The following PSTPIP2 variants were observed in gnomAD, a reference collection of about 807,000 sequenced individuals.
PSTPIP2 encodes proline-serine-threonine phosphatase-interacting protein 2.
Under a neutral mutation model 63.3 loss-of-function variants are expected in PSTPIP2, and 33 were observed. The observed-to-expected ratio is 0.52, with a 90% CI of 0.40 to 0.70. The LOEUF is 0.70. PSTPIP2 is among the 30% of genes least tolerant of loss of function. PSTPIP2 has a pLI of 0.00. For missense variants in PSTPIP2, 312 were observed against 400.7 expected (o/e 0.78, Z 1.89); for synonymous variants, 125 against 132.7 (o/e 0.94, Z 0.40).
At chr18:46,044,598 G>A (rs1183556635) in intron 1 of PSTPIP2, among the ~76,000 whole-genome samples, 1 of 152,128 alleles carries the variant, frequency 6.6e-6, no homozygotes, top group Non-Finnish European at 1.5e-5. Context: ...ATAGGCATGG[G>A]CAAGGACTTC....
chr18:46,072,010 C>T lies in PSTPIP2; in HGVS notation c.33+146G>A, dbSNP rs1909411810. On this transcript the variant is annotated intron_variant, in intron 1 of 14. Transcript: ENST00000409746. ...CGAGCAGTGGGGCTGGGGCCCCGAT[C>T]CCTTCACGCGCGAGCTCCGCCAAGC... 4.7e-6 allele frequency: 5 copies of T among 1,065,668 alleles called. No individual in the cohort carries two copies. In the South Asian group the frequency reaches 1.1e-4, roughly 22 times the overall value. 66.0% of individuals were successfully genotyped at this position (1,065,668 alleles called of 1,614,324 possible).
intron 1 of PSTPIP2, among the ~76,000 whole-genome samples, chr18:46,049,007 CATGT>C (rs1258199769): frequency 1.5e-4 from 14 of 93,408 alleles, no homozygotes; most frequent in East Asian, 3.9e-4. Context: ...AGAAAAAAAG[CATGT>C]GTGTGTGTGT....
intron 2 of PSTPIP2, chr18:46,029,368 C>G: frequency 3.2e-6 from 5 of 1,558,958 alleles, no homozygotes; most frequent in Admixed American, 3.3e-5. Context: ...GTTGCAGCAT[C>G]CACGTTCTCT....
Position 46,024,600 on chromosome 18 carries a change from GATAC to G in PSTPIP2, c.212+5_212+8del. 3.1e-6 allele frequency: 5 copies of G among 1,611,520 alleles called. No homozygotes were observed. The highest frequency in any genetic ancestry group is 4.2e-6 in the Non-Finnish European group (5 of 1,177,726). On this transcript the variant is annotated splice_donor_5th_base_variant and intron_variant, in intron 3 of 14. Coordinates refer to ENST00000409746, the MANE Select transcript of PSTPIP2 (RefSeq NM_024430.4). ...CAACCTGGAAACCAGAAAAAAACTT[GATAC>G]ATACTTGATTTCAGACTGTCCACAC...
intron 4 of PSTPIP2, among the ~76,000 whole-genome samples, chr18:46,011,931 T>G (rs926877963): frequency 7.2e-5 from 11 of 152,162 alleles, no homozygotes; most frequent in Admixed American, 7.2e-4. Context: ...AGAAAAAAAT[T>G]TAAACTTGTG....
chr18:45,992,390 A>G (rs1445389270), intron 10 of PSTPIP2, among the ~76,000 whole-genome samples, 188 bp from the exon 11 acceptor site: 3 of 151,752 alleles, frequency 2.0e-5, no homozygotes, highest in African/African-American at 7.3e-5. Context: ...GTGAAACCCC[A>G]TCTCTGTTTA....
In PSTPIP2 at chr18:46,049,613, G is replaced by A. The variant is rs1908513803; in HGVS notation, c.34-9566C>T. On this transcript the variant is annotated intron_variant, in intron 1 of 14. Coordinates refer to ENST00000409746, the MANE Select transcript of PSTPIP2 (RefSeq NM_024430.4). ...AAATGAACAACCGGCCGGGTGAGGTGACTCACGCCTGTAATCCTAGCACTT... is the reference window on the plus strand; with the variant it reads ...AAATGAACAACCGGCCGGGTGAGGTAACTCACGCCTGTAATCCTAGCACTT... Among the ~76,000 whole-genome samples, 5 of 152,330 alleles carry A rather than the reference G, an allele frequency of 3.3e-5. No individual in the cohort carries two copies. In the Middle Eastern group the frequency reaches 0.01, roughly 311 times the overall value.
chr18:46,043,381 C>T (rs1181709450), intron 1 of PSTPIP2, among the ~76,000 whole-genome samples: 1 of 150,696 alleles, frequency 6.6e-6, no homozygotes, highest in East Asian at 1.9e-4. Flanking sequence ...ACAGAGTGAG[C>T]CCCTGTCTCA....
At chr18:46,049,044 GT>G (rs1908486887) in intron 1 of PSTPIP2, among the ~76,000 whole-genome samples, 1 of 148,828 alleles carries the variant, frequency 6.7e-6, no homozygotes, top group Non-Finnish European at 1.5e-5. Flanking sequence ...GTGTGTGTGT[GT>G]GTGTGTGTGT....
intron 2 of PSTPIP2, chr18:46,029,785 T>C (rs1201766694): frequency 1.9e-6 from 1 of 520,024 alleles, no homozygotes; most frequent in Non-Finnish European, 3.6e-6. Flanking sequence ...CATGGAATTT[T>C]CTCTCAGAGG....
Position 46,011,164 on chromosome 18 carries a change from A to G in PSTPIP2, c.354+17T>C. On this transcript the variant is annotated intron_variant, in intron 5 of 14. Transcript: ENST00000409746. ...ATAGGAGGAAAGGAAACACCTTAAC[A>G]CGTATGCAAATCCAACCTTTTTTCG... The G allele has an allele frequency of 1.3e-6, 2 of 1,589,918 alleles. No individual in the cohort carries two copies. The highest frequency in any genetic ancestry group is 1.7e-6 in the Non-Finnish European group (2 of 1,158,014).
intron 1 of PSTPIP2, among the ~76,000 whole-genome samples, chr18:46,043,207 G>A (rs540901790): frequency 4.6e-5 from 6 of 129,540 alleles, no homozygotes; most frequent in East Asian, 4.4e-4. Context: ...GCAACATAGC[G>A]AAACCTCACC....
intron 7 of PSTPIP2, 31 bp downstream of exon 7, chr18:45,999,405 G>T: frequency 1.2e-6 from 2 of 1,607,358 alleles, no homozygotes; most frequent in Non-Finnish European, 1.7e-6. Flanking sequence ...GTCAGTCTCA[G>T]ATTTTTCGGG....
chr18:46,026,548 A>G (rs1208732794), intron 2 of PSTPIP2, among the ~76,000 whole-genome samples: 2 of 152,196 alleles, frequency 1.3e-5, no homozygotes, highest in Non-Finnish European at 2.9e-5. Flanking sequence ...TTAAAATGAT[A>G]CATGCTCATT....
chr18:45,985,141 C>T lies in PSTPIP2; in HGVS notation c.*318G>A. ...AGAATCCTCTGCTGCCACCTCTGCTCCTCAAGTGGATGCTCCAAATCCAGA... is the reference window on the plus strand; with the variant it reads ...AGAATCCTCTGCTGCCACCTCTGCTTCTCAAGTGGATGCTCCAAATCCAGA... On this transcript the variant is annotated 3_prime_UTR_variant, in exon 15 of 15. Coordinates refer to ENST00000409746, the MANE Select transcript of PSTPIP2 (RefSeq NM_024430.4). The T allele has an allele frequency of 5.1e-6, 2 of 395,746 alleles. No individual in the cohort carries two copies. The highest frequency in any genetic ancestry group is 4.3e-5 in the Admixed American group (1 of 23,004). 24.5% of individuals were successfully genotyped at this position (395,746 alleles called of 1,614,324 possible). A position where few individuals can be genotyped will look rare whatever the true frequency, so the allele number is the denominator to read the frequency against.
At chr18:46,023,370 G>A (rs1257059966) in intron 3 of PSTPIP2, among the ~76,000 whole-genome samples, 1 of 152,098 alleles carries the variant, frequency 6.6e-6, no homozygotes. Context: ...AGACCAGCCT[G>A]ACCAGCATGG....
At chr18:46,039,665 A>G (rs929138246) in intron 2 of PSTPIP2, among the ~76,000 whole-genome samples, 1 of 151,868 alleles carries the variant, frequency 6.6e-6, no homozygotes, top group African/African-American at 2.4e-5. Flanking sequence ...TCTAAAAGCT[A>G]CATCATGGGG....
At chr18:46,004,331 C>T (rs963218674) in intron 6 of PSTPIP2, among the ~76,000 whole-genome samples, 5 of 152,260 alleles carry the variant, frequency 3.3e-5, no homozygotes, top group South Asian at 2.1e-4. Flanking sequence ...GATGATACTT[C>T]GGTGTCAAGA....
chr18:46,028,851 T>A (rs1599726972), intron 2 of PSTPIP2: 1 of 1,586,316 alleles, frequency 6.3e-7, no homozygotes, highest in East Asian at 2.2e-5. Context: ...AGGATGAAGA[T>A]GCTTTGTTGC....
Sources: allele counts gnomAD v4.1 joint callset (sites outside exome capture counted in the v4.1 genomes callset), GRCh38; gene constraint gnomAD v4.1.1; transcripts MANE v1.5; gene names NCBI Gene and HGNC (gene_info 2026-07-23, HGNC 2026-07-21).